The following SLC22A12 variants were observed in gnomAD, a reference collection of about 807,000 sequenced individuals.
SLC22A12 encodes the protein organic anion transporter 4-like protein.
In SLC22A12, 56 loss-of-function variants were observed where a neutral mutation model predicts 52.7. The ratio of observed to expected loss-of-function variants is 1.06; its 90% CI spans 0.86 to 1.33. The LOEUF is 1.33. Ranked by LOEUF, SLC22A12 falls within the 40% of genes most tolerant of loss-of-function variation. The pLI is 0.00. For missense variants in SLC22A12, 683 were observed against 741.5 expected (o/e 0.92, Z 0.92); for synonymous variants, 337 against 324.6 (o/e 1.04, Z -0.41).
intron 6 of SLC22A12, 85 bp from the exon 7 acceptor site, chr11:64,599,591 G>GCCCCCCCCCCCCCTTGTTT: frequency 9.7e-6 from 6 of 617,176 alleles, no homozygotes; most frequent in South Asian, 5.2e-5. Context: ...CCCACCCTGA[G>GCCCCCCCCCCCCCTTGTTT]CCCCCACCGC....
chr11:64,600,799 C>T lies in SLC22A12; in HGVS notation c.1459C>T (p.Arg487Trp), dbSNP rs763684449. Residue 487 changes from arginine (R) to tryptophan (W), a missense_variant, in exon 9 of 10, where the codon CGG becomes TGG. Transcript: ENST00000377574. ...AGGAGCCATCCTGGGGCCTCTGGTC[C>T]GGCTGCTGGGTGTCCATGGCCCCTG... ...RGGAILGPLV[R>W]LLGVHGPWLP... 8.5e-5 allele frequency: 137 copies of T among 1,605,970 alleles called. No homozygotes were observed. The highest frequency in any genetic ancestry group is 3.8e-4 in the South Asian group (35 of 91,074).
chr11:64,600,673 C>A, intron 8 of SLC22A12, 62 bp from the exon 9 acceptor site: 1 of 1,596,204 alleles, frequency 6.3e-7, no homozygotes, highest in African/African-American at 1.3e-5. Context: ...CCTGGCCCGG[C>A]GTGCAGGATC....
At chr11:64,593,124 C>A (rs993166028) in intron 2 of SLC22A12, among the ~76,000 whole-genome samples, 1 of 152,260 alleles carries the variant, frequency 6.6e-6, no homozygotes, top group East Asian at 1.9e-4. Flanking sequence ...TGCTCCCCAG[C>A]AAACATTCAC....
chr11:64,601,035 G>A, intron 9 of SLC22A12, 97 bp downstream of exon 9: 1 of 1,476,206 alleles, frequency 6.8e-7, no homozygotes, highest in Non-Finnish European at 9.3e-7. Context: ...GACAGAGGCG[G>A]AAGCAGAGGC....
intron 2 of SLC22A12, 130 bp downstream of exon 2, chr11:64,593,012 G>C: frequency 2.6e-6 from 2 of 760,502 alleles, no homozygotes; most frequent in Non-Finnish European, 4.2e-6. Context: ...CTGGGTGTGG[G>C]TCTCGGACCA....
At chr11:64,600,007 C>T in intron 7 of SLC22A12, 117 bp downstream of exon 7, 1 of 1,291,534 alleles carries the variant, frequency 7.7e-7, no homozygotes. Context: ...AGGAAGGAGG[C>T]TGCCGGAGCC....
chr11:64,599,936 G>A (rs774327242), intron 7 of SLC22A12, 46 bp downstream of exon 7: 7 of 1,581,550 alleles, frequency 4.4e-6, no homozygotes, highest in Admixed American at 1.8e-5. Flanking sequence ...ACCTTGGGGG[G>A]GTCTCGGGCT....
chr11:64,596,230 G>GACGGATGGATGGATGGA (rs1366328822), intron 4 of SLC22A12, among the ~76,000 whole-genome samples: 1 of 34,994 alleles, frequency 2.9e-5, no homozygotes, highest in Non-Finnish European at 6.3e-5. Flanking sequence ...TGGATGCATG[G>GACGGATGGATGGATGGA]ATGGATGGAT....
chr11:64,592,018 G>T, intron 1 of SLC22A12, 60 bp downstream of exon 1: 3 of 1,583,116 alleles, frequency 1.9e-6, no homozygotes, highest in Non-Finnish European at 1.7e-6. Flanking sequence ...CATGGATCAC[G>T]GTGGGTCAGA....
At chr11:64,597,995 C>T (rs1418621326) in intron 4 of SLC22A12, among the ~76,000 whole-genome samples, 3 of 152,096 alleles carry the variant, frequency 2.0e-5, no homozygotes, top group East Asian at 3.9e-4. Context: ...CCAGCCTGAG[C>T]CCCGGGGTGG....
At chr11:64,592,579 G>A (rs2038954177) in intron 1 of SLC22A12, among the ~76,000 whole-genome samples, 200 bp from the exon 2 acceptor site, 1 of 152,102 alleles carries the variant, frequency 6.6e-6, no homozygotes, top group African/African-American at 2.4e-5. Flanking sequence ...TCAGGCAGAG[G>A]GTGGCAGGAT....
rs3802948 is a variant in SLC22A12, at chr11:64,591,685, C to T, written c.129C>T (p.Ala43=). ...TQSMLENFSA[A]VPSHRCWAPL... is the part of the protein sequence containing the mutation. ...GCATGCTGGAGAACTTCTCGGCCGCCGTGCCCAGCCACCGCTGCTGGGCAC... is the reference window on the plus strand; with the variant it reads ...GCATGCTGGAGAACTTCTCGGCCGCTGTGCCCAGCCACCGCTGCTGGGCAC... Residue 43 remains alanine, a synonymous_variant, in exon 1 of 10, where the codon GCC becomes GCT. Coordinates refer to ENST00000377574, the MANE Select transcript of SLC22A12 (RefSeq NM_144585.4). The T allele has an allele frequency of 2.5e-4, 410 of 1,612,142 alleles. No homozygotes were observed. The highest frequency in any genetic ancestry group is 3.3e-4 in the Non-Finnish European group (385 of 1,180,018).
Position 64,601,603 on chromosome 11 carries a change from C to T in SLC22A12, c.*52C>T. 1 of 1,591,740 alleles carries T rather than the reference C, an allele frequency of 6.3e-7. No homozygotes were observed. ...GTCAGAGGAAGAGACTTCTTCTGTTCTCTGGAGAAGGCAGGAGGAAAGCAA... is the reference window on the plus strand; with the variant it reads ...GTCAGAGGAAGAGACTTCTTCTGTTTTCTGGAGAAGGCAGGAGGAAAGCAA... On this transcript the variant is annotated 3_prime_UTR_variant, in exon 10 of 10. Coordinates refer to ENST00000377574, the MANE Select transcript of SLC22A12 (RefSeq NM_144585.4).
intron 4 of SLC22A12, among the ~76,000 whole-genome samples, chr11:64,598,181 G>A (rs552546182): frequency 1.4e-4 from 22 of 152,208 alleles, no homozygotes; most frequent in Admixed American, 3.9e-4. Context: ...CAACCAGGCC[G>A]GGTTCCTAGC....
intron 1 of SLC22A12, among the ~76,000 whole-genome samples, chr11:64,592,240 C>T (rs1286155167): frequency 6.6e-6 from 1 of 152,196 alleles, no homozygotes; most frequent in African/African-American, 2.4e-5. Context: ...CCTGTCCTGG[C>T]CCTGCTGACC....
rs2039331695 is a variant in SLC22A12 at position 64,598,611 on chromosome 11, G to A, written c.926G>A (p.Gly309Glu). The A allele has an allele frequency of 6.2e-7, 1 of 1,611,064 alleles. No individual in the cohort carries two copies. Among genetic ancestry groups the A allele is most frequent in the African/African-American group, 1.3e-5 (1 of 74,966 alleles). ...AGGGTGGCTGCCATCAACGGAAAGG[G>A]GGCAGTGCAGGACACCCTGACCCCT... The part of the protein sequence containing the change: ...LWRVAAINGK[G>E]AVQDTLTPEV... Residue 309 changes from glycine to glutamate, a missense_variant, in exon 5 of 10, where the codon GGG becomes GAG. Transcript: ENST00000377574.
chr11:64,593,707 A>G lies in SLC22A12; in HGVS notation c.734A>G (p.His245Arg). 6.2e-7 allele frequency: 1 copy of G among 1,614,042 alleles called. No individual in the cohort carries two copies. Among genetic ancestry groups the G allele is most frequent in the East Asian group, 2.2e-5 (1 of 44,886 alleles). Residue 245 changes from histidine (H) to arginine (R), a missense_variant, in exon 4 of 10, where the codon CAT becomes CGT. His to Arg is a conservative substitution (Grantham distance 29, BLOSUM62 0). Coordinates refer to ENST00000377574, the MANE Select transcript of SLC22A12 (RefSeq NM_144585.4). ...TLNSLGFSFG[H>R]GLTAAVAYGV... ...AACTCTCTGGGCTTCAGCTTCGGCC[A>G]TGGCCTGACAGCTGCAGTGGCCTAC...
At chr11:64,596,108 T>C (rs1282315466) in intron 4 of SLC22A12, among the ~76,000 whole-genome samples, 3 of 139,220 alleles carry the variant, frequency 2.2e-5, no homozygotes, top group Non-Finnish European at 3.2e-5. Context: ...ATGGATGGAA[T>C]GGATGGATGA....
chr11:64,598,596 C>A lies in SLC22A12; in HGVS notation c.911C>A (p.Ala304Asp). 1 of 1,610,338 alleles carries A rather than the reference C, an allele frequency of 6.2e-7. No individual in the cohort carries two copies. Residue 304 changes from alanine to aspartate, a missense_variant, in exon 5 of 10, where the codon GCC (alanine) becomes GAC (aspartate). Physicochemically the swap from Ala to Asp is moderately radical, Grantham distance 126. Transcript: ENST00000377574. ...CTGCAGGAGCTGTGGAGGGTGGCTG[C>A]CATCAACGGAAAGGGGGCAGTGCAG... The part of the protein sequence containing the change: ...WGLQELWRVA[A>D]INGKGAVQDT...
Sources: allele counts gnomAD v4.1 joint callset (sites outside exome capture counted in the v4.1 genomes callset), GRCh38; gene constraint gnomAD v4.1.1; transcripts MANE v1.5; gene names NCBI Gene and HGNC (gene_info 2026-07-23, HGNC 2026-07-21).